Variants in DLK2 observed in about 807,000 individuals in gnomAD.
DLK2 encodes delta like non-canonical Notch ligand 2, also known as protein delta homolog 2.
DLK2 carries 9 observed loss-of-function variants against 31.3 expected under a neutral mutation model. The observed-to-expected ratio is 0.29, with a 90% CI of 0.17 to 0.50. The LOEUF is 0.50. Ranked by LOEUF, DLK2 falls within the 20% of genes least tolerant of loss-of-function variation. The pLI, the probability that DLK2 is intolerant of heterozygous loss-of-function variation, is 0.98. For missense variants in DLK2, 387 were observed against 526.1 expected (o/e 0.74, Z 2.59); for synonymous variants, 169 against 201.2 (o/e 0.84, Z 1.35).
chr6:43,453,176 A>T lies in DLK2; in HGVS notation c.141-41T>A. On this transcript the variant is annotated intron_variant, in intron 3 of 5. Transcript: ENST00000372488. The surrounding 1 kb of genome is among the most constrained non-coding windows in gnomAD (Gnocchi z 4.1). ...ACAGGGTCAGGGCTCTGGGTCATGG[A>T]TGTGAAGAAATGGAGGAGACAGAAC... 1 of 1,557,810 alleles carries T rather than the reference A, an allele frequency of 6.4e-7. No homozygotes were observed. The highest frequency in any genetic ancestry group is 8.7e-7 in the Non-Finnish European group (1 of 1,148,788).
Position 43,450,421 on chromosome 6 carries a change from G to T in DLK2, c.*118C>A. ...TGTGTATTAAAAAAATAATATTTCT[G>T]GTGTGAGGCTGAGGTCTCCTCTGTG... On this transcript the variant is annotated 3_prime_UTR_variant, in exon 6 of 6. Coordinates refer to ENST00000372488, the MANE Select transcript of DLK2 (RefSeq NM_023932.4). This position sits in a 1 kb window ranked among gnomAD's most constrained non-coding sequence, Gnocchi z 4.5. 8.7e-7 allele frequency: 1 copy of T among 1,151,570 alleles called. No homozygotes were observed. Among genetic ancestry groups the T allele is most frequent in the Non-Finnish European group, 1.2e-6 (1 of 838,400 alleles). The allele number at this position is 1,151,570 out of a possible 1,614,324, so 71.3% of individuals were successfully genotyped here.
rs554451162 is a variant in DLK2, at chr6:43,451,358, G to A, written c.417-84C>T. The stretch of plus-strand genomic sequence containing the variant: ...CAGGTCAGTATCCTGACCACTGCCC[G>A]CCATGTCATCTTGGGCTACACACTC... On this transcript the variant is annotated intron_variant, in intron 5 of 5. Coordinates refer to ENST00000372488, the MANE Select transcript of DLK2 (RefSeq NM_023932.4). The surrounding 1 kb of genome is among the most constrained non-coding windows in gnomAD (Gnocchi z 4.4). 4.7e-6 allele frequency: 7 copies of A among 1,496,292 alleles called. No homozygotes were observed. Among genetic ancestry groups the A allele is most frequent in the Admixed American group, 4.2e-5 (2 of 47,678 alleles). The allele number at this position is 1,496,292 out of a possible 1,614,324, so 92.7% of individuals were successfully genotyped here.
At chr6:43,455,286 CCCG>C (rs771649897) in intron 1 of DLK2, 106 bp downstream of exon 1, 15,697 of 151,592 alleles carry the variant, frequency 0.1, 1,130 homozygotes, top group Middle Eastern at 0.15. Context: ...AGCCCCCCCC[CCCG>C]CCACCACCAC....
At chr6:43,455,015 G>A in intron 1 of DLK2, 135 bp from the exon 2 acceptor site, 1 of 1,426,576 alleles carries the variant, frequency 7.0e-7, no homozygotes. Flanking sequence ...GGAGGATGGG[G>A]GCAGGGAAGG....
Position 43,450,562 on chromosome 6 carries a change from G to A in DLK2, c.1129C>T (p.Pro377Ser), listed in dbSNP as rs1055445157. The A allele has an allele frequency of 2.0e-5, 32 of 1,569,760 alleles. No individual in the cohort carries two copies. Among genetic ancestry groups the A allele is most frequent in the Non-Finnish European group, 2.8e-5 (32 of 1,156,480 alleles). ...LPLPRDLPPE[P>S]GKTTAL ...CATCACAGTGCTGTGGTCTTTCCAG[G>A]CTCAGGGGGCAAGTCACGTGGCAGG... is the stretch of plus-strand genomic sequence containing the variant. The change falls in exon 6 of 6, where the codon CCT becomes TCT. Residue 377 changes from proline (P) to serine (S), a missense_variant. Pro to Ser is a moderately conservative substitution (Grantham distance 74, BLOSUM62 -1). Coordinates refer to ENST00000372488, the MANE Select transcript of DLK2 (RefSeq NM_023932.4). The surrounding 1 kb of genome is among the most constrained non-coding windows in gnomAD (Gnocchi z 4.5).
intron 2 of DLK2, 90 bp downstream of exon 2, chr6:43,454,660 A>C: frequency 2.7e-6 from 4 of 1,464,490 alleles, no homozygotes; most frequent in Non-Finnish European, 2.8e-6. Flanking sequence ...GGTCGGAGCG[A>C]CTGCAGTGCC....
rs761501506 is a variant in DLK2 at position 43,453,000 on chromosome 6, C to A, written c.271+5G>T. ...CAACCAAAAGCTACCCTTCCTCCCC[C>A]CTACCTTTGTCACAGAACTTGCCTG... On this transcript the variant is annotated splice_donor_5th_base_variant and intron_variant, in intron 4 of 5. Transcript: ENST00000372488. The A allele has an allele frequency of 4.3e-6, 7 of 1,614,054 alleles. No homozygotes were observed. Among genetic ancestry groups the A allele is most frequent in the African/African-American group, 1.3e-5 (1 of 75,064 alleles).
In DLK2 at chr6:43,451,009, G is replaced by A. The variant is rs752893762; in HGVS notation, c.682C>T (p.Arg228Trp). The A allele has an allele frequency of 1.5e-5, 25 of 1,613,986 alleles. No individual in the cohort carries two copies. The highest frequency in any genetic ancestry group is 2.0e-5 in the Non-Finnish European group (24 of 1,179,968). Residue 228 changes from arginine to tryptophan, a missense_variant, in exon 6 of 6, where the codon CGG becomes TGG. Coordinates refer to ENST00000372488, the MANE Select transcript of DLK2 (RefSeq NM_023932.4). The surrounding 1 kb of genome is among the most constrained non-coding windows in gnomAD (Gnocchi z 4.4). Reference protein sequence around the residue: ...SRPCQRGARCRDRVHDFDCLC... With the variant: ...SRPCQRGARCWDRVHDFDCLC... Reference sequence around the variant, plus strand: ...CAGTCGAAGTCGTGGACACGGTCCCGACAGCGGGCCCCTCTCTGGCATGGG... The same window carrying A: ...CAGTCGAAGTCGTGGACACGGTCCCAACAGCGGGCCCCTCTCTGGCATGGG...
chr6:43,452,717 AAAAC>A (rs58237815), intron 4 of DLK2, among the ~76,000 whole-genome samples: 1 of 151,526 alleles, frequency 6.6e-6, no homozygotes, highest in Non-Finnish European at 1.5e-5. Flanking sequence ...ATCTCAAAAC[AAAAC>A]AAACAAAAAA....
chr6:43,454,391 C>T lies in DLK2; in HGVS notation c.140+20G>A, dbSNP rs373519509. 17 of 1,598,336 alleles carry T rather than the reference C, an allele frequency of 1.1e-5. No homozygotes were observed. Among genetic ancestry groups the T allele is most frequent in the Non-Finnish European group, 1.3e-5 (15 of 1,174,060 alleles). ...AAATGGGTACCAAAGGGTTTGGGGG[C>T]ACGTGCTCAGGACAGGTACCTGCAG... On this transcript the variant is annotated intron_variant, in intron 3 of 5. Coordinates refer to ENST00000372488, the MANE Select transcript of DLK2 (RefSeq NM_023932.4).
At chr6:43,452,211 C>T (rs1783791479) in intron 4 of DLK2, 127 bp from the exon 5 acceptor site, 17 of 1,365,274 alleles carry the variant, frequency 1.2e-5, no homozygotes, top group Non-Finnish European at 1.6e-5. Context: ...CCCAGGCTGG[C>T]GTGGTATGCT....
intron 2 of DLK2, 128 bp downstream of exon 2, chr6:43,454,622 A>G: frequency 7.3e-7 from 1 of 1,377,520 alleles, no homozygotes; most frequent in Non-Finnish European, 1.0e-6. Context: ...CATTCCAAAA[A>G]GGCAACCTCG....
intron 4 of DLK2, among the ~76,000 whole-genome samples, chr6:43,452,581 G>A (rs977126591): frequency 9.2e-5 from 14 of 151,974 alleles, no homozygotes; most frequent in Admixed American, 3.3e-4. Flanking sequence ...CTGAAGTGGC[G>A]GGTGCCTGTA....
Position 43,450,707 on chromosome 6 carries a change from G to T in DLK2, c.984C>A (p.Thr328=), listed in dbSNP as rs768782924. 6.2e-7 allele frequency: 1 copy of T among 1,614,062 alleles called. No homozygotes were observed. The highest frequency in any genetic ancestry group is 1.1e-5 in the South Asian group (1 of 91,090). ...AGACACCCCGGCGCCAGGCCCTCAG[G>T]GTCAGCAACACAGTAGCCAGAACCA... is the stretch of plus-strand genomic sequence containing the variant. The part of the protein sequence containing the change: ...AALVLATVLL[T]LRAWRRGVCP... The change falls in exon 6 of 6, where the codon ACC becomes ACA. Residue 328 remains threonine (T), a synonymous_variant. Coordinates refer to ENST00000372488, the MANE Select transcript of DLK2 (RefSeq NM_023932.4). The surrounding 1 kb of genome is among the most constrained non-coding windows in gnomAD (Gnocchi z 4.5).
intron 1 of DLK2, 30 bp from the exon 2 acceptor site, chr6:43,454,910 C>T (rs1408879646): frequency 4.7e-6 from 7 of 1,498,854 alleles, no homozygotes; most frequent in Non-Finnish European, 6.2e-6. Context: ...GGGAGGCGGC[C>T]GGACGCGGAG....
At chr6:43,455,277 GCCC>G (rs572751222) in intron 1 of DLK2, 115 bp downstream of exon 1, 9 of 128,432 alleles carry the variant, frequency 7.0e-5, no homozygotes, top group East Asian at 4.1e-4. Flanking sequence ...AGCTCCGACA[GCCC>G]CCCCCCCCGC....
Position 43,452,002 on chromosome 6 carries a change from C to T in DLK2, c.354G>A (p.Val118=), listed in dbSNP as rs140806227. Residue 118 remains valine (V), a synonymous_variant, in exon 5 of 6, where the codon GTG becomes GTA. Transcript: ENST00000372488. ...CACGCCCATGGAAGCCTGGTAAGCA[C>T]ACACAATGGTACTCACCGCCCCCGT... The part of the protein sequence containing the change: ...MYDGGGEYHC[V]CLPGFHGRDC... The T allele has an allele frequency of 2.2e-5, 35 of 1,614,130 alleles. No homozygotes were observed. Among genetic ancestry groups the T allele is most frequent in the African/African-American group, 4.0e-5 (3 of 74,946 alleles).
At position 43,450,598 on chromosome 6, in the gene DLK2, C is replaced by T; in HGVS notation, c.1093G>A (p.Ala365Thr). The change falls in exon 6 of 6, where the codon GCA becomes ACA. Residue 365 changes from alanine (A) to threonine (T), a missense_variant. Coordinates refer to ENST00000372488, the MANE Select transcript of DLK2 (RefSeq NM_023932.4). This position sits in a 1 kb window ranked among gnomAD's most constrained non-coding sequence, Gnocchi z 4.5. ...DQECQVSMLP[A>T]GLPLPRDLPP... The stretch of plus-strand genomic sequence containing the variant: ...AAGTCACGTGGCAGGGGGAGCCCTG[C>T]TGGCAGCATGCTAACCTGACACTCC... 6.3e-7 allele frequency: 1 copy of T among 1,597,016 alleles called. No homozygotes were observed. Among genetic ancestry groups the T allele is most frequent in the East Asian group, 2.2e-5 (1 of 44,622 alleles).
chr6:43,454,227 T>C (rs966601141), intron 3 of DLK2, among the ~76,000 whole-genome samples, 184 bp downstream of exon 3: 4 of 151,420 alleles, frequency 2.6e-5, no homozygotes, highest in Non-Finnish European at 5.9e-5. Flanking sequence ...ATTAAAGAAG[T>C]GGGGAGATAA....
Sources: allele counts gnomAD v4.1 joint callset (sites outside exome capture counted in the v4.1 genomes callset), GRCh38; gene constraint gnomAD v4.1.1; non-coding constraint Gnocchi (gnomAD v3.1); transcripts MANE v1.5; gene names NCBI Gene and HGNC (gene_info 2026-07-23, HGNC 2026-07-21).